MAGI3: variants seen among roughly 807,000 people sequenced by gnomAD.
MAGI3 encodes the protein membrane associated guanylate kinase, WW and PDZ domain containing 3.
In MAGI3, 43 loss-of-function variants were observed where a neutral mutation model predicts 121.8. That is an observed-to-expected ratio of 0.35 (90% CI 0.28 to 0.46). The LOEUF (loss-of-function observed/expected upper bound fraction) is 0.46. MAGI3 is among the 20% of genes least tolerant of loss of function. The pLI is 1.00. For missense variants in MAGI3, 1,547 were observed against 1,797.3 expected, an observed-to-expected ratio of 0.86 and a Z score of 2.52; for synonymous variants, 553 against 639.3, an observed-to-expected ratio of 0.86 and a Z score of 2.04.
At position 113,641,918 on chromosome 1, in the gene MAGI3, T is replaced by C; in HGVS notation, c.1368T>C (p.Val456=). ...ATGATTATGTTTTTCCAGGCGATGTTATTGTAGACATCAATGGCAACTGTG... is the reference window on the plus strand; with the variant it reads ...ATGATTATGTTTTTCCAGGCGATGTCATTGTAGACATCAATGGCAACTGTG... ...AQDGKIAPGD[V]IVDINGNCVL... Residue 456 remains valine (V), a synonymous_variant, in exon 10 of 21, where the codon GTT becomes GTC. Transcript: ENST00000307546. 2 of 1,578,050 alleles carry C rather than the reference T, an allele frequency of 1.3e-6. No individual in the cohort carries two copies. The highest frequency in any genetic ancestry group is 1.7e-6 in the Non-Finnish European group (2 of 1,153,580).
intron 1 of MAGI3, among the ~76,000 whole-genome samples, chr1:113,515,565 A>G (rs1657857322): frequency 6.6e-6 from 1 of 152,110 alleles, no homozygotes; most frequent in Non-Finnish European, 1.5e-5. Flanking sequence ...ACACAACCTC[A>G]TGGAATAGAT....
chr1:113,402,460 CT>C (rs1253621234), intron 1 of MAGI3, among the ~76,000 whole-genome samples: 1 of 152,100 alleles, frequency 6.6e-6, no homozygotes, highest in Non-Finnish European at 1.5e-5. Context: ...TTAGCTTTAG[CT>C]TTGAAAAATC....
chr1:113,531,664 G>A (rs1658726993), intron 1 of MAGI3, among the ~76,000 whole-genome samples: 1 of 145,014 alleles, frequency 6.9e-6, no homozygotes, highest in Non-Finnish European at 1.5e-5. Flanking sequence ...CATTTGTTTT[G>A]GTGGTAGTTT....
intron 1 of MAGI3, among the ~76,000 whole-genome samples, chr1:113,513,885 A>G (rs865895774): frequency 6.6e-6 from 1 of 152,326 alleles, no homozygotes; most frequent in East Asian, 1.9e-4. Context: ...CTCATCTGAC[A>G]AAGGGCTAAT....
intron 19 of MAGI3, among the ~76,000 whole-genome samples, chr1:113,678,040 T>G (rs1201424209): frequency 6.6e-6 from 1 of 151,944 alleles, no homozygotes; most frequent in East Asian, 1.9e-4. Context: ...TCCCCCTCCT[T>G]CCCCTCATTC....
intron 1 of MAGI3, among the ~76,000 whole-genome samples, chr1:113,547,186 T>C (rs1303524955): frequency 2.0e-5 from 3 of 152,126 alleles, no homozygotes; most frequent in African/African-American, 7.2e-5. Context: ...TCCTTAATTA[T>C]ATCTAATTTA....
At chr1:113,653,387 T>TA (rs1653282415) in intron 14 of MAGI3, among the ~76,000 whole-genome samples, 1 of 151,948 alleles carries the variant, frequency 6.6e-6, no homozygotes, top group South Asian at 2.1e-4. Flanking sequence ...GCCTGGCCAA[T>TA]ATGGTGAAAC....
intron 1 of MAGI3, among the ~76,000 whole-genome samples, chr1:113,495,167 G>T (rs935689887): frequency 6.6e-6 from 1 of 151,996 alleles, no homozygotes; most frequent in Admixed American, 6.6e-5. Flanking sequence ...TAAGTGATTC[G>T]AAGTAATGCA....
chr1:113,659,127 C>G lies in MAGI3; in HGVS notation c.2677C>G (p.Arg893Gly), dbSNP rs531102980. The G allele has an allele frequency of 1.9e-6, 3 of 1,613,744 alleles. No homozygotes were observed. The highest frequency in any genetic ancestry group is 2.5e-6 in the Non-Finnish European group (3 of 1,179,840). Residue 893 changes from arginine to glycine, a missense_variant, in exon 16 of 21, where the codon CGC (arginine) becomes GGC (glycine). Coordinates refer to ENST00000307546, the MANE Select transcript of MAGI3 (RefSeq NM_001142782.2). ...AGTCATAGAAGGAAGTCCGGCTGAC[C>G]GCTGTGGAAAACTGAAAGTTGGAGA... ...GRVIEGSPADRCGKLKVGDHI... is the reference protein window; with the variant it reads ...GRVIEGSPADGCGKLKVGDHI...
At position 113,683,964 on chromosome 1, in the gene MAGI3, A is replaced by G. The variant is rs773941552; in HGVS notation, c.4396A>G (p.Ser1466Gly). 2 of 1,600,878 alleles carry G rather than the reference A, an allele frequency of 1.2e-6. No homozygotes were observed. Among genetic ancestry groups the G allele is most frequent in the East Asian group, 2.2e-5 (1 of 44,724 alleles). ...AACTCCAGGGCCCTGGAAGGTTCCA[A>G]GTGGAAATAAAGTCACAGGCACTAT... ...LITPGPWKVPSGNKVTGTIGM... is the reference protein window; with the variant it reads ...LITPGPWKVPGGNKVTGTIGM... Residue 1466 changes from serine to glycine, a missense_variant, in exon 21 of 21, where the codon AGT (serine) becomes GGT (glycine). Coordinates refer to ENST00000307546, the MANE Select transcript of MAGI3 (RefSeq NM_001142782.2).
chr1:113,614,534 A>T, intron 6 of MAGI3, 67 bp from the exon 7 acceptor site: 1 of 1,143,914 alleles, frequency 8.7e-7, no homozygotes, highest in South Asian at 1.3e-5. Flanking sequence ...TAATAAATTC[A>T]CTCACTGGTG....
At chr1:113,416,072 A>C (rs1300745467) in intron 1 of MAGI3, among the ~76,000 whole-genome samples, 5 of 148,744 alleles carry the variant, frequency 3.4e-5, no homozygotes, top group African/African-American at 9.8e-5. Context: ...TAATTATGTA[A>C]TTAATGACAC....
rs191794586 is a variant in MAGI3 at position 113,431,267 on chromosome 1, A to G, written c.316+39918A>G. Among the ~76,000 whole-genome samples, 5 of 152,348 alleles carry G rather than the reference A, an allele frequency of 3.3e-5. No homozygotes were observed. The East Asian group carries it at 5.8e-4, about 18-fold the overall frequency. On this transcript the variant is annotated intron_variant, in intron 1 of 20. Transcript: ENST00000307546. ...CAAGAGTTCGAAGTTACGGTGAGCT[A>G]TGTTCATGCCACTGTGCTACAGCCT...
chr1:113,423,767 A>T (rs1485531296), intron 1 of MAGI3, among the ~76,000 whole-genome samples: 1 of 152,036 alleles, frequency 6.6e-6, no homozygotes. Flanking sequence ...CTTGAAGGTG[A>T]GGTTTCACCA....
chr1:113,403,893 G>T (rs1480535684), intron 1 of MAGI3: 1 of 151,892 alleles, frequency 6.6e-6, no homozygotes, highest in South Asian at 2.1e-4. Context: ...GGAGGAAGTC[G>T]CTGAGTGATA....
intron 1 of MAGI3, among the ~76,000 whole-genome samples, chr1:113,452,093 T>C (rs1285038470): frequency 6.6e-6 from 1 of 152,180 alleles, no homozygotes; most frequent in Non-Finnish European, 1.5e-5. Flanking sequence ...AATATCTTTC[T>C]TTCCTGAGCA....
chr1:113,665,995 T>C (rs1654025387), intron 16 of MAGI3, among the ~76,000 whole-genome samples: 1 of 152,234 alleles, frequency 6.6e-6, no homozygotes, highest in South Asian at 2.1e-4. Context: ...CTGTAGTCTC[T>C]TAAGTGTGCA....
chr1:113,475,123 TAAG>T (rs1392035158), intron 1 of MAGI3, among the ~76,000 whole-genome samples: 1 of 152,220 alleles, frequency 6.6e-6, no homozygotes, highest in African/African-American at 2.4e-5. Flanking sequence ...CTTATCAGCT[TAAG>T]AAGATTTTGG....
At chr1:113,578,756 C>T (rs1354419453) in intron 2 of MAGI3, among the ~76,000 whole-genome samples, 1 of 151,332 alleles carries the variant, frequency 6.6e-6, no homozygotes. Flanking sequence ...AAATAAAAAA[C>T]GTATTAAAAA....
Sources: allele counts gnomAD v4.1 joint callset (sites outside exome capture counted in the v4.1 genomes callset), GRCh38; gene constraint gnomAD v4.1.1; transcripts MANE v1.5; gene names NCBI Gene and HGNC (gene_info 2026-07-23, HGNC 2026-07-21).